Variants in ITPR1 observed in about 807,000 individuals in gnomAD.
The protein encoded by ITPR1 is inositol 1,4,5-trisphosphate receptor type 1, also known as inositol 1,4,5-trisphosphate-gated calcium channel ITPR1.
In ITPR1, 96 loss-of-function variants were observed where a neutral mutation model predicts 318.4. The ratio of observed to expected loss-of-function variants is 0.30; its 90% CI spans 0.26 to 0.36. The LOEUF is 0.36. ITPR1 is among the 10% of genes least tolerant of loss of function. The pLI is 1.00. For missense variants in ITPR1, 2,440 were observed against 3,460.2 expected (o/e 0.71, Z 7.40); for synonymous variants, 1,312 against 1,289.9 (o/e 1.02, Z -0.37).
intron 46 of ITPR1, among the ~76,000 whole-genome samples, chr3:4,773,501 T>G (rs2125384514): frequency 6.6e-6 from 1 of 152,348 alleles, no homozygotes; most frequent in East Asian, 1.9e-4. Context: ...AAGTCCTTTT[T>G]CTATATATTC....
At chr3:4,563,152 G>A (rs1326355894) in intron 4 of ITPR1, among the ~76,000 whole-genome samples, 2 of 152,176 alleles carry the variant, frequency 1.3e-5, no homozygotes, top group Non-Finnish European at 2.9e-5. Context: ...TAAGAAAGCT[G>A]AACAGCAGGG....
chr3:4,628,182 C>T (rs964482252), intron 5 of ITPR1, among the ~76,000 whole-genome samples: 6 of 152,174 alleles, frequency 3.9e-5, no homozygotes, highest in African/African-American at 1.4e-4. Flanking sequence ...CCTGCCTCCA[C>T]CACTCAGCAA....
intron 5 of ITPR1, among the ~76,000 whole-genome samples, chr3:4,637,751 G>A (rs1339693186): frequency 6.6e-6 from 1 of 152,074 alleles, no homozygotes; most frequent in Non-Finnish European, 1.5e-5. Flanking sequence ...AATTGCTTCT[G>A]GCAGTTCATT....
intron 4 of ITPR1, among the ~76,000 whole-genome samples, chr3:4,551,158 G>A (rs1205392649): frequency 6.6e-6 from 1 of 152,208 alleles, no homozygotes; most frequent in Non-Finnish European, 1.5e-5. Context: ...CCAAGGCAGG[G>A]CTTCAGGGAA....
chr3:4,667,314 T>C lies in ITPR1; in HGVS notation c.1714-63T>C, dbSNP rs368387048. 170 of 1,291,130 alleles carry C rather than the reference T, an allele frequency of 1.3e-4. 2 individuals carry two copies. In the East Asian group the frequency reaches 2.3e-3, roughly 18 times the overall value. The allele number at this position is 1,291,130 out of a possible 1,614,324, so 80.0% of individuals were successfully genotyped here. A position where few individuals can be genotyped will look rare whatever the true frequency, so the allele number is the denominator to read the frequency against. On this transcript the variant is annotated intron_variant, in intron 17 of 61. Transcript: ENST00000649015. Reference sequence around the variant, plus strand: ...CAGGAAACATTGCTGCTTTCTTTAGTCTACGCTTAACCATATTGTCATTTA... The same window carrying C: ...CAGGAAACATTGCTGCTTTCTTTAGCCTACGCTTAACCATATTGTCATTTA...
intron 51 of ITPR1, among the ~76,000 whole-genome samples, chr3:4,784,700 G>A (rs1291881640): frequency 6.9e-6 from 1 of 145,926 alleles, no homozygotes; most frequent in African/African-American, 2.6e-5. Flanking sequence ...GGCCAACATG[G>A]TGAAACCCCT....
At chr3:4,502,180 C>T (rs572092967) in intron 2 of ITPR1, among the ~76,000 whole-genome samples, 20 of 152,310 alleles carry the variant, frequency 1.3e-4, no homozygotes, top group African/African-American at 3.1e-4. Context: ...TCCCCACCCC[C>T]GTCTGTCCAC....
intron 44 of ITPR1, among the ~76,000 whole-genome samples, chr3:4,748,546 C>T (rs887673298): frequency 2.6e-5 from 4 of 152,062 alleles, no homozygotes; most frequent in Non-Finnish European, 5.9e-5. Context: ...TTGTCCCCGA[C>T]AGAAGAAAGG....
chr3:4,502,937 T>A (rs2081131887), intron 2 of ITPR1, among the ~76,000 whole-genome samples: 1 of 151,778 alleles, frequency 6.6e-6, no homozygotes, highest in African/African-American at 2.4e-5. Flanking sequence ...CAAAAAAAAT[T>A]AGCTGGGCAT....
chr3:4,604,866 T>C (rs2091588300), intron 4 of ITPR1, among the ~76,000 whole-genome samples: 1 of 151,934 alleles, frequency 6.6e-6, no homozygotes, highest in Non-Finnish European at 1.5e-5. Context: ...GCATCGTGAG[T>C]CCTCAGATAT....
At chr3:4,514,822 C>A (rs1575375565) in intron 2 of ITPR1, among the ~76,000 whole-genome samples, 1 of 152,186 alleles carries the variant, frequency 6.6e-6, no homozygotes, top group African/African-American at 2.4e-5. Context: ...AAATATTAAT[C>A]CCCCTTGATG....
At chr3:4,557,547 A>G (rs556017375) in intron 4 of ITPR1, among the ~76,000 whole-genome samples, 1 of 152,010 alleles carries the variant, frequency 6.6e-6, no homozygotes, top group Admixed American at 6.6e-5. Context: ...TTCCCTTTTG[A>G]CTGTGTTCAG....
In ITPR1 at chr3:4,814,740, C is replaced by G; in HGVS notation, c.7701+178C>G. The G allele has an allele frequency of 6.1e-6, 4 of 654,084 alleles. No homozygotes were observed. In the South Asian group the frequency reaches 7.9e-5, roughly 13 times the overall value. 40.5% of individuals were successfully genotyped at this position (654,084 alleles called of 1,614,324 possible). On this transcript the variant is annotated intron_variant, in intron 58 of 61. Coordinates refer to ENST00000649015, the MANE Select transcript of ITPR1 (RefSeq NM_001378452.1). ...TCCTCTCTATCACGTGAGGTGGTGCCGCAAAGTCAGCTGCGTGGAAAGGGT... is the reference window on the plus strand; with the variant it reads ...TCCTCTCTATCACGTGAGGTGGTGCGGCAAAGTCAGCTGCGTGGAAAGGGT...
chr3:4,571,062 G>T (rs540643545), intron 4 of ITPR1, among the ~76,000 whole-genome samples: 1 of 152,150 alleles, frequency 6.6e-6, no homozygotes, highest in African/African-American at 2.4e-5. Context: ...AGTGGCTCTA[G>T]AGAGCTAGCC....
chr3:4,562,160 T>C (rs978508890), intron 4 of ITPR1, among the ~76,000 whole-genome samples: 2 of 152,254 alleles, frequency 1.3e-5, no homozygotes, highest in Non-Finnish European at 2.9e-5. Context: ...CAGATTTGCG[T>C]TGGGCTGCAT....
At chr3:4,769,931 C>T (rs781461117) in intron 46 of ITPR1, among the ~76,000 whole-genome samples, 1 of 152,232 alleles carries the variant, frequency 6.6e-6, no homozygotes, top group South Asian at 2.1e-4. Context: ...TGCTGGAGCA[C>T]TGGGTCCCTG....
chr3:4,579,408 A>G (rs879280310), intron 4 of ITPR1, among the ~76,000 whole-genome samples: 1 of 152,256 alleles, frequency 6.6e-6, no homozygotes, highest in Non-Finnish European at 1.5e-5. Flanking sequence ...TATGTATAAC[A>G]TATATTATAC....
chr3:4,713,839 G>A (rs1198245308), intron 39 of ITPR1, among the ~76,000 whole-genome samples: 1 of 152,144 alleles, frequency 6.6e-6, no homozygotes, highest in Non-Finnish European at 1.5e-5. Flanking sequence ...GTCTGGTTAG[G>A]GCTGTCATTC....
chr3:4,723,898 G>C (rs972689103), intron 40 of ITPR1, among the ~76,000 whole-genome samples: 1 of 152,036 alleles, frequency 6.6e-6, no homozygotes, highest in Non-Finnish European at 1.5e-5. Flanking sequence ...CTTTAATTCT[G>C]CTTTTTCTCA....
Sources: gnomAD v4.1 joint callset for allele counts (sites outside exome capture counted in the v4.1 genomes callset) on GRCh38, gnomAD v4.1.1 for gene constraint, MANE v1.5 for transcripts, NCBI Gene and HGNC (gene_info 2026-07-23, HGNC 2026-07-21) for gene names.